FLI1: variants seen among roughly 807,000 people sequenced by gnomAD.
FLI1 encodes Fli-1 proto-oncogene, ETS transcription factor, also known as Friend leukemia integration 1 transcription factor.
Under a neutral mutation model 53.1 loss-of-function variants are expected in FLI1, and 13 were observed. The ratio of observed to expected loss-of-function variants is 0.24; its 90% confidence interval spans 0.16 to 0.39. The LOEUF is 0.39. Ranked by LOEUF, FLI1 falls within the 10% of genes least tolerant of loss-of-function variation. FLI1 has a pLI of 1.00. For synonymous variants in FLI1, 244 were observed against 236.7 expected (o/e 1.03, Z -0.28); for missense variants, 424 against 600.5 (o/e 0.71, Z 3.07).
chr11:128,770,987 C>A (rs1179510328), intron 3 of FLI1, among the ~76,000 whole-genome samples: 3 of 152,202 alleles, frequency 2.0e-5, no homozygotes, highest in Non-Finnish European at 4.4e-5. Context: ...AGGAAAGGGG[C>A]TTTGGGGGAA....
intron 2 of FLI1, among the ~76,000 whole-genome samples, chr11:128,765,077 C>T (rs1016925481): frequency 1.5e-4 from 23 of 151,982 alleles, no homozygotes; most frequent in Admixed American, 3.3e-4. Flanking sequence ...AGGAGGGAAG[C>T]GGAACTGGGA....
intron 1 of FLI1, among the ~76,000 whole-genome samples, chr11:128,724,049 T>C (rs1019004864): frequency 6.8e-6 from 1 of 146,234 alleles, no homozygotes; most frequent in Non-Finnish European, 1.5e-5. Context: ...TTCAAGCAAT[T>C]CTCCTGCCTC....
intron 1 of FLI1, among the ~76,000 whole-genome samples, chr11:128,735,941 A>G (rs1278395236): frequency 1.3e-5 from 2 of 152,258 alleles, no homozygotes; most frequent in Non-Finnish European, 2.9e-5. Flanking sequence ...CGAAACACGT[A>G]TCTAGAATTA....
At chr11:128,777,839 C>T (rs966052670) in intron 4 of FLI1, among the ~76,000 whole-genome samples, 2 of 126,720 alleles carry the variant, frequency 1.6e-5, no homozygotes, top group Admixed American at 8.8e-5. Flanking sequence ...GGGACGCTTG[C>T]GCCCCCTGGC....
intron 2 of FLI1, among the ~76,000 whole-genome samples, chr11:128,767,886 C>G (rs143171874): frequency 6.6e-6 from 1 of 152,154 alleles, no homozygotes; most frequent in Non-Finnish European, 1.5e-5. Context: ...GGCACTGAGG[C>G]GCTGCCAGCA....
chr11:128,707,722 C>T (rs1195630836), intron 1 of FLI1, among the ~76,000 whole-genome samples: 1 of 152,174 alleles, frequency 6.6e-6, no homozygotes, highest in Non-Finnish European at 1.5e-5. Flanking sequence ...GGGTTTAGAG[C>T]TCATCAGAAT....
intron 2 of FLI1, among the ~76,000 whole-genome samples, chr11:128,762,687 G>A (rs964139548): frequency 5.9e-5 from 9 of 152,250 alleles, no homozygotes; most frequent in African/African-American, 2.2e-4. Context: ...GCCAGGTGTG[G>A]TGGCTCATGC....
At chr11:128,694,862 G>C (rs1008650079) in intron 1 of FLI1, among the ~76,000 whole-genome samples, 1 of 152,156 alleles carries the variant, frequency 6.6e-6, no homozygotes, top group Non-Finnish European at 1.5e-5. Flanking sequence ...ACATGTCAGC[G>C]CTTTCCCTTC....
At chr11:128,724,304 C>T (rs1939379232) in intron 1 of FLI1, among the ~76,000 whole-genome samples, 1 of 152,064 alleles carries the variant, frequency 6.6e-6, no homozygotes, top group African/African-American at 2.4e-5. Context: ...GGGAGAGGGA[C>T]CAGCACGGAA....
intron 6 of FLI1, 71 bp downstream of exon 6, chr11:128,805,502 G>A (rs765884343): frequency 8.5e-6 from 8 of 942,786 alleles, no homozygotes; most frequent in East Asian, 2.7e-5. Flanking sequence ...ACAGGATCAT[G>A]AGACACAGGA....
At chr11:128,723,076 CT>C (rs1435370123) in intron 1 of FLI1, among the ~76,000 whole-genome samples, 10 of 152,146 alleles carry the variant, frequency 6.6e-5, no homozygotes, top group Non-Finnish European at 1.5e-4. Context: ...CTTGGGTCCT[CT>C]TTATTAGGGT....
intron 5 of FLI1, among the ~76,000 whole-genome samples, chr11:128,798,068 C>T (rs1047197658): frequency 6.6e-6 from 1 of 152,114 alleles, no homozygotes; most frequent in Admixed American, 6.5e-5. Context: ...GAGGGCGTTG[C>T]GTATAAACTG....
chr11:128,693,562 T>C (rs1390295298), upstream of FLI1, among the ~76,000 whole-genome samples: 1 of 150,828 alleles, frequency 6.6e-6, no homozygotes, highest in Admixed American at 6.6e-5. Context: ...GGAAAAAGCA[T>C]TAATGAACGT....
At chr11:128,688,088 C>G (rs549233000) in intron 1 of FLI1, among the ~76,000 whole-genome samples, 1 of 152,314 alleles carries the variant, frequency 6.6e-6, no homozygotes, top group East Asian at 1.9e-4. Context: ...GGAGCTCTCA[C>G]TTCTAGCTCT....
In FLI1 at chr11:128,810,478, G is replaced by A. The variant is rs1179005819; in HGVS notation, c.849G>A (p.Leu283=). ...LANPGSGQIQ[L]WQFLLELLSD... ...GTGCAGGAAGCGGGCAGATCCAGCT[G>A]TGGCAATTCCTCCTGGAGCTGCTCT... is the stretch of plus-strand genomic sequence containing the variant. Residue 283 remains leucine (L), a synonymous_variant, in exon 9 of 9, where the codon CTG becomes CTA. Transcript: ENST00000527786. This position sits in a 1 kb window ranked among gnomAD's most constrained non-coding sequence, Gnocchi z 6.6. 1.9e-6 allele frequency: 3 copies of A among 1,599,186 alleles called. No individual in the cohort carries two copies. The African/African-American group carries it at 4.0e-5, about 21-fold the overall frequency.
At chr11:128,722,589 C>T (rs1939299739) in intron 1 of FLI1, among the ~76,000 whole-genome samples, 2 of 152,122 alleles carry the variant, frequency 1.3e-5, no homozygotes, top group South Asian at 4.1e-4. Context: ...AAGAGATTTG[C>T]GTGACCTCCA....
At chr11:128,701,127 CT>C (rs1938314834) in intron 1 of FLI1, among the ~76,000 whole-genome samples, 1 of 152,128 alleles carries the variant, frequency 6.6e-6, no homozygotes, top group Non-Finnish European at 1.5e-5. Context: ...TCAAAGACAC[CT>C]GTTGATTAAA....
chr11:128,765,715 G>T (rs1016816251), intron 2 of FLI1, among the ~76,000 whole-genome samples: 4 of 152,224 alleles, frequency 2.6e-5, no homozygotes, highest in Non-Finnish European at 5.9e-5. Context: ...GCAGCACTTG[G>T]ACTGTTTCAC....
At chr11:128,728,779 AT>A (rs1939579304) in intron 1 of FLI1, among the ~76,000 whole-genome samples, 4 of 152,254 alleles carry the variant, frequency 2.6e-5, no homozygotes, top group African/African-American at 9.6e-5. Context: ...GTACCTGAGT[AT>A]CAGGTAAACC....
Sources: gnomAD v4.1 joint callset for allele counts (sites outside exome capture counted in the v4.1 genomes callset) on GRCh38, gnomAD v4.1.1 for gene constraint, Gnocchi (gnomAD v3.1) non-coding constraint, MANE v1.5 for transcripts, NCBI Gene and HGNC (gene_info 2026-07-23, HGNC 2026-07-21) for gene names.